The following FKBP1B variants were observed in gnomAD, a reference collection of about 807,000 sequenced individuals.
The protein encoded by FKBP1B is peptidyl-prolyl cis-trans isomerase FKBP1B.
FKBP1B carries 4 observed loss-of-function variants against 13.5 expected under a neutral mutation model. The ratio of observed to expected loss-of-function variants is 0.30; its 90% CI spans 0.15 to 0.68. The LOEUF (loss-of-function observed/expected upper bound fraction) is 0.68, where lower values mean the gene tolerates loss of function less well. Ranked by LOEUF, FKBP1B falls within the 30% of genes least tolerant of loss-of-function variation. The pLI is 0.76. For synonymous variants in FKBP1B, 54 were observed against 53.6 expected (o/e 1.01, Z -0.03); for missense variants, 93 against 136.2 (o/e 0.68, Z 1.58).
intron 1 of FKBP1B, 39 bp downstream of exon 1, chr2:24,049,925 C>A: frequency 7.3e-7 from 1 of 1,370,622 alleles, no homozygotes; most frequent in Non-Finnish European, 9.4e-7. Flanking sequence ...GGGGAGGGGT[C>A]CCGGGGCGGA....
At chr2:24,042,181 C>T in the FKBP1B span, among the ~76,000 whole-genome samples, 1 of 152,010 alleles carries the variant, frequency 6.6e-6, no homozygotes, top group Non-Finnish European at 1.5e-5. Context: ...AAGGGCAGAT[C>T]ACGTGAGGTC....
chr2:24,063,461 A>ATGATACGGC lies in FKBP1B; in HGVS notation c.*269_*270insTGATACGGC. 2.7e-6 allele frequency: 1 copy of ATGATACGGC among 377,258 alleles called. No individual in the cohort carries two copies. Among genetic ancestry groups the ATGATACGGC allele is most frequent in the Non-Finnish European group, 4.7e-6 (1 of 211,456 alleles). The allele number at this position is 377,258 out of a possible 1,614,324, so 23.4% of individuals were successfully genotyped here. The stretch of plus-strand genomic sequence containing the variant: ...GCATGTAGTAGCCTTTCCTGATGAC[A>ATGATACGGC]GAACACAGATCTCTTGTTCGCACAA... On this transcript the variant is annotated 3_prime_UTR_variant, in exon 4 of 4. Transcript: ENST00000380986.
chr2:24,038,248 G>C, the FKBP1B span: 1 of 1,614,100 alleles, frequency 6.2e-7, no homozygotes, highest in East Asian at 2.2e-5. Context: ...AGACTTTGAA[G>C]AAGGAAGAAA....
At position 24,049,833 on chromosome 2, in the gene FKBP1B, G is replaced by T; in HGVS notation, c.-17G>T. The T allele has an allele frequency of 7.2e-7, 1 of 1,390,888 alleles. No individual in the cohort carries two copies. 86.2% of individuals were successfully genotyped at this position (1,390,888 alleles called of 1,614,324 possible). On this transcript the variant is annotated 5_prime_UTR_variant, in exon 1 of 4. Coordinates refer to ENST00000380986, the MANE Select transcript of FKBP1B (RefSeq NM_004116.5). ...CAGCAGCAGGGACCCCCCAGAGGCG[G>T]GGCCTGTGGGACCGCTATGGGCGTG... is the stretch of plus-strand genomic sequence containing the variant.
upstream of FKBP1B, among the ~76,000 whole-genome samples, chr2:24,049,261 G>A (rs1164330000): frequency 1.3e-5 from 2 of 152,184 alleles, no homozygotes; most frequent in Non-Finnish European, 2.9e-5. Context: ...AGCTACTTGG[G>A]TGGAGGCTGA....
the FKBP1B span, among the ~76,000 whole-genome samples, chr2:24,044,047 A>G: frequency 6.6e-6 from 1 of 152,202 alleles, no homozygotes; most frequent in Non-Finnish European, 1.5e-5. Context: ...TTTTCTCCCT[A>G]ATATCTACTT....
In FKBP1B at chr2:24,063,175, C is replaced by G. The variant is rs150412063; in HGVS notation, c.310C>G (p.Leu104Val). The G allele has an allele frequency of 6.2e-7, 1 of 1,605,012 alleles. No individual in the cohort carries two copies. The highest frequency in any genetic ancestry group is 8.5e-7 in the Non-Finnish European group (1 of 1,175,654). ...PNATLIFDVELLNLE is the reference protein window; with the variant it reads ...PNATLIFDVEVLNLE ...TGCCACCCTCATCTTTGACGTGGAG[C>G]TGCTCAACTTAGAGTGAAGGCAGGA... Residue 104 changes from leucine (L) to valine (V), a missense_variant, in exon 4 of 4, where the codon CTG becomes GTG. By Grantham distance (32) the Leu-to-Val change is conservative. Transcript: ENST00000380986.
intron 2 of FKBP1B, among the ~76,000 whole-genome samples, chr2:24,055,201 T>C (rs1664066353): frequency 1.3e-5 from 2 of 151,546 alleles, no homozygotes; most frequent in South Asian, 4.2e-4. Flanking sequence ...TTTCTTTTTT[T>C]TTTTTTTTTT....
chr2:24,035,348 C>T, the FKBP1B span, among the ~76,000 whole-genome samples: 1 of 151,472 alleles, frequency 6.6e-6, no homozygotes, highest in Non-Finnish European at 1.5e-5. Context: ...AATAAAAATA[C>T]ATAACTAAAG....
chr2:24,034,661 C>T, the FKBP1B span, among the ~76,000 whole-genome samples: 13 of 150,254 alleles, frequency 8.7e-5, no homozygotes, highest in African/African-American at 3.2e-4. Flanking sequence ...GCAGCCTCAA[C>T]CTCCTCAGCT....
At chr2:24,059,350 C>G (rs1664275471) in intron 2 of FKBP1B, among the ~76,000 whole-genome samples, 1 of 146,776 alleles carries the variant, frequency 6.8e-6, no homozygotes, top group Admixed American at 6.8e-5. Flanking sequence ...GCTGGGGGAA[C>G]CAGAACTGCT....
At chr2:24,046,901 A>C (rs1663643991), upstream of FKBP1B, among the ~76,000 whole-genome samples, 1 of 152,074 alleles carries the variant, frequency 6.6e-6, no homozygotes, top group Admixed American at 6.6e-5. Context: ...ATGTTATTTA[A>C]AAGTTTAATA....
chr2:24,058,834 C>T (rs1228400926), intron 2 of FKBP1B, among the ~76,000 whole-genome samples: 1 of 152,172 alleles, frequency 6.6e-6, no homozygotes, highest in Non-Finnish European at 1.5e-5. Flanking sequence ...TGTATTTGAT[C>T]TTGTTAGCAT....
the FKBP1B span, among the ~76,000 whole-genome samples, chr2:24,034,266 C>T: frequency 1.3e-5 from 2 of 151,996 alleles, no homozygotes; most frequent in Non-Finnish European, 2.9e-5. Context: ...ACTATAAATA[C>T]AAAAATTAGC....
At chr2:24,046,869 C>T (rs1663642827), upstream of FKBP1B, among the ~76,000 whole-genome samples, 1 of 152,128 alleles carries the variant, frequency 6.6e-6, no homozygotes. Context: ...TTTCATCTAA[C>T]ATTATATATT....
upstream of FKBP1B, among the ~76,000 whole-genome samples, chr2:24,047,770 T>G (rs1311980166): frequency 6.6e-6 from 1 of 152,238 alleles, no homozygotes; most frequent in African/African-American, 2.4e-5. Context: ...AATGTTCTTA[T>G]CTGTACACAA....
the FKBP1B span, chr2:24,037,736 T>TCTTC: frequency 6.2e-7 from 1 of 1,614,198 alleles, no homozygotes; most frequent in Non-Finnish European, 8.5e-7. Context: ...GAAGAGGATT[T>TCTTC]CTTCCCATTA....
chr2:24,054,232 G>T, intron 2 of FKBP1B: 1 of 617,262 alleles, frequency 1.6e-6, no homozygotes, highest in Non-Finnish European at 3.0e-6. Flanking sequence ...TCTGTTGCAG[G>T]TATGGTGGAG....
the FKBP1B span, chr2:24,038,154 G>A: frequency 1.2e-6 from 2 of 1,614,030 alleles, no homozygotes; most frequent in African/African-American, 1.3e-5. Context: ...AAGTAGAGTA[G>A]GTAGTCTGGC....
Sources: allele counts gnomAD v4.1 joint callset (sites outside exome capture counted in the v4.1 genomes callset), GRCh38; gene constraint gnomAD v4.1.1; transcripts MANE v1.5; gene names NCBI Gene and HGNC (gene_info 2026-07-23, HGNC 2026-07-21).